FRMD6: variants seen among roughly 807,000 people sequenced by gnomAD.
FRMD6 encodes the protein FERM domain containing 6, also known as FERM domain-containing protein 6.
In FRMD6, 37 loss-of-function variants were observed where a neutral mutation model predicts 73.2. The observed-to-expected ratio is 0.51, with a 90% CI of 0.39 to 0.66. The LOEUF is 0.66. Ranked by LOEUF, FRMD6 falls within the 30% of genes least tolerant of loss-of-function variation. The pLI is 0.00. For synonymous variants in FRMD6, 273 were observed against 282.2 expected, an observed-to-expected ratio of 0.97 and a Z score of 0.33; for missense variants, 714 against 780.5, an observed-to-expected ratio of 0.91 and a Z score of 1.02.
chr14:51,603,593 T>G (rs370970254), intron 2 of FRMD6, among the ~76,000 whole-genome samples: 1 of 152,288 alleles, frequency 6.6e-6, no homozygotes, highest in African/African-American at 2.4e-5. Context: ...ATGTTAGATA[T>G]TTTTTCATCC....
rs1321082280 is a variant in FRMD6, at chr14:51,679,891, T to G, written c.-146-9800T>G. Among the ~76,000 whole-genome samples, 3 of 152,230 alleles carry G rather than the reference T, an allele frequency of 2.0e-5. No individual in the cohort carries two copies. The East Asian group carries it at 5.8e-4, about 29-fold the overall frequency. On this transcript the variant is annotated intron_variant, in intron 1 of 13. Transcript: ENST00000344768. ...TCATTTTCCCAAGTACCTATTGTCA[T>G]TAGCCTTTGCTTTGCCTCTGTAATC...
chr14:51,695,943 G>A (rs1895917358), intron 2 of FRMD6, among the ~76,000 whole-genome samples: 1 of 151,918 alleles, frequency 6.6e-6, no homozygotes, highest in Admixed American at 6.6e-5. Flanking sequence ...TTCCTAATCT[G>A]AGTTTCATAT....
intron 1 of FRMD6, among the ~76,000 whole-genome samples, chr14:51,546,357 T>A (rs1326492102): frequency 6.6e-6 from 1 of 151,738 alleles, no homozygotes; most frequent in Non-Finnish European, 1.5e-5. Context: ...TAAAGTGGAA[T>A]GCTCTTCCCA....
chr14:51,538,008 A>G (rs778432601), intron 1 of FRMD6, among the ~76,000 whole-genome samples: 2 of 152,146 alleles, frequency 1.3e-5, no homozygotes, highest in Non-Finnish European at 2.9e-5. Flanking sequence ...TTTAATTTTA[A>G]TGAAGTCTAG....
At chr14:51,598,870 C>G (rs1300439961) in intron 2 of FRMD6, among the ~76,000 whole-genome samples, 3 of 152,038 alleles carry the variant, frequency 2.0e-5, no homozygotes. Flanking sequence ...GTGCATGTGT[C>G]TTTTTGGTAA....
At chr14:51,473,572 C>A in the FRMD6 span, among the ~76,000 whole-genome samples, 4 of 152,190 alleles carry the variant, frequency 2.6e-5, no homozygotes, top group African/African-American at 9.7e-5. Flanking sequence ...ACTAGTACAC[C>A]TTTCATATGA....
At chr14:51,545,278 G>T (rs979050670) in intron 1 of FRMD6, among the ~76,000 whole-genome samples, 7 of 151,878 alleles carry the variant, frequency 4.6e-5, no homozygotes, top group Non-Finnish European at 8.8e-5. Context: ...TTTAAACACA[G>T]CAAAAATCTG....
intron 1 of FRMD6, among the ~76,000 whole-genome samples, chr14:51,681,515 C>A (rs1040308549): frequency 3.9e-5 from 6 of 152,148 alleles, no homozygotes; most frequent in African/African-American, 1.4e-4. Context: ...AGTACAGAGA[C>A]TTGCCCAAGG....
chr14:51,681,633 C>G (rs1211041298), intron 1 of FRMD6, among the ~76,000 whole-genome samples: 1 of 152,146 alleles, frequency 6.6e-6, no homozygotes, highest in Non-Finnish European at 1.5e-5. Context: ...ACAGTATTTC[C>G]TCTTTCAAAA....
At chr14:51,595,418 C>T (rs1385131493) in intron 2 of FRMD6, among the ~76,000 whole-genome samples, 2 of 152,214 alleles carry the variant, frequency 1.3e-5, no homozygotes, top group African/African-American at 4.8e-5. Context: ...AATCAAGGAA[C>T]ATGGGACTGG....
the FRMD6 span, among the ~76,000 whole-genome samples, chr14:51,457,466 T>C: frequency 6.6e-6 from 1 of 152,292 alleles, no homozygotes. Flanking sequence ...GTCCCTGTGA[T>C]TTCAGGTCCT....
chr14:51,610,854 T>C (rs1285005582), intron 2 of FRMD6, among the ~76,000 whole-genome samples: 1 of 152,208 alleles, frequency 6.6e-6, no homozygotes, highest in Admixed American at 6.5e-5. Flanking sequence ...GGTCAATTGA[T>C]GGAAAAGAAA....
the FRMD6 span, among the ~76,000 whole-genome samples, chr14:51,439,223 A>G: frequency 2.6e-5 from 4 of 152,362 alleles, no homozygotes; most frequent in Admixed American, 6.5e-5. Context: ...GATGGATAGT[A>G]TGTAATTTCT....
chr14:51,457,434 AAGT>A, the FRMD6 span, among the ~76,000 whole-genome samples: 2 of 152,186 alleles, frequency 1.3e-5, no homozygotes, highest in African/African-American at 4.8e-5. Flanking sequence ...TTTTTATAAA[AAGT>A]AGATATGGGA....
At chr14:51,396,638 C>G in the FRMD6 span, among the ~76,000 whole-genome samples, 2 of 152,166 alleles carry the variant, frequency 1.3e-5, no homozygotes, top group African/African-American at 4.8e-5. Context: ...GAAGGCAGTA[C>G]TTACACTCAC....
At chr14:51,414,365 C>T in the FRMD6 span, among the ~76,000 whole-genome samples, 5 of 151,808 alleles carry the variant, frequency 3.3e-5, no homozygotes, top group Non-Finnish European at 5.9e-5. Flanking sequence ...TTCAGCTTTC[C>T]ACATATGGCT....
chr14:51,504,451 T>C (rs1455094164), intron 1 of FRMD6, among the ~76,000 whole-genome samples: 1 of 152,236 alleles, frequency 6.6e-6, no homozygotes, highest in Non-Finnish European at 1.5e-5. Flanking sequence ...TACTTTTTGG[T>C]AGAGCAGGTG....
At chr14:51,588,325 G>T (rs1324594550) in intron 2 of FRMD6, among the ~76,000 whole-genome samples, 5 of 151,558 alleles carry the variant, frequency 3.3e-5, no homozygotes, top group Admixed American at 3.3e-4. Flanking sequence ...TGCACCATGT[G>T]CAGGTTTGTT....
intron 1 of FRMD6, chr14:51,491,377 A>T (rs1442776575): frequency 2.6e-5 from 4 of 152,280 alleles, no homozygotes; most frequent in Non-Finnish European, 4.4e-5. Flanking sequence ...CCCACTCTGG[A>T]AAATGTCTGA....
Sources: allele counts gnomAD v4.1 joint callset (sites outside exome capture counted in the v4.1 genomes callset), GRCh38; gene constraint gnomAD v4.1.1; transcripts MANE v1.5; gene names NCBI Gene and HGNC (gene_info 2026-07-23, HGNC 2026-07-21).